Variants in SLC9C1 observed in about 807,000 individuals in gnomAD.
The protein encoded by SLC9C1 is sodium/hydrogen exchanger 10.
A neutral mutation model predicts 140.9 loss-of-function variants in SLC9C1; 97 were observed. That is an observed-to-expected ratio of 0.69 (90% CI 0.58 to 0.82). SLC9C1 has a LOEUF of 0.82. Ranked by LOEUF, SLC9C1 falls within the 40% of genes least tolerant of loss-of-function variation. SLC9C1 has a pLI of 0.00. For synonymous variants in SLC9C1, 440 were observed against 442.6 expected, an observed-to-expected ratio of 0.99 and a Z score of 0.07; for missense variants, 1,340 against 1,389.3, an observed-to-expected ratio of 0.96 and a Z score of 0.56.
At chr3:112,262,239 T>A (rs1036930633) in intron 10 of SLC9C1, among the ~76,000 whole-genome samples, 2 of 151,886 alleles carry the variant, frequency 1.3e-5, no homozygotes, top group African/African-American at 4.8e-5. Context: ...AAGGGAGAGG[T>A]CATGCAATAT....
At chr3:112,253,284 G>A (rs1465616351) in intron 10 of SLC9C1, among the ~76,000 whole-genome samples, 1 of 152,158 alleles carries the variant, frequency 6.6e-6, no homozygotes, top group African/African-American at 2.4e-5. Flanking sequence ...AGGCAACAGT[G>A]AGATCACACA....
At position 112,240,543 on chromosome 3, in the gene SLC9C1, C is replaced by T. The variant is rs2079113164; in HGVS notation, c.1280-537G>A. 1.3e-5 allele frequency among the ~76,000 whole-genome samples: 2 copies of T among 152,186 alleles called. 1 individual carries two copies. Among genetic ancestry groups the T allele is most frequent in the South Asian group, 4.1e-4 (2 of 4,832 alleles). ...CAATCTGTTGGAGGCCTCAATAAAACAAAAGTCTGAACAAGAGAGAATTTG... is the reference window on the plus strand; with the variant it reads ...CAATCTGTTGGAGGCCTCAATAAAATAAAAGTCTGAACAAGAGAGAATTTG... On this transcript the variant is annotated intron_variant, in intron 11 of 28. Coordinates refer to ENST00000305815, the MANE Select transcript of SLC9C1 (RefSeq NM_183061.3).
At chr3:112,241,388 C>T (rs547651945) in intron 11 of SLC9C1, among the ~76,000 whole-genome samples, 15 of 152,000 alleles carry the variant, frequency 9.9e-5, no homozygotes, top group Admixed American at 2.6e-4. Context: ...ATAGAGCTAA[C>T]GAAGGAGGTG....
rs775287979 is a variant in SLC9C1, at chr3:112,199,465, G to A, written c.2379C>T (p.Tyr793=). Residue 793 remains tyrosine (Y), a synonymous_variant, in exon 20 of 29, where the codon TAC becomes TAT. Coordinates refer to ENST00000305815, the MANE Select transcript of SLC9C1 (RefSeq NM_183061.3). Reference sequence around the variant, plus strand: ...CAATTTCTGGGTGATCATACTCTAAGTAGCCTAAAAAATAACAAAATATTT... The same window carrying A: ...CAATTTCTGGGTGATCATACTCTAAATAGCCTAAAAAATAACAAAATATTT... The part of the protein sequence containing the change: ...NMEHAIKELG[Y]LEYDHPEIAV... 3.8e-6 allele frequency: 6 copies of A among 1,560,184 alleles called. No homozygotes were observed. Among genetic ancestry groups the A allele is most frequent in the South Asian group, 1.3e-5 (1 of 79,278 alleles).
intron 28 of SLC9C1, among the ~76,000 whole-genome samples, chr3:112,150,783 A>T (rs976150506): frequency 8.5e-4 from 49 of 57,760 alleles, no homozygotes; most frequent in South Asian, 1.2e-3. Flanking sequence ...TATATATATA[A>T]ATACATATAC....
chr3:112,189,315 C>T (rs866462493), intron 20 of SLC9C1, among the ~76,000 whole-genome samples: 41 of 152,284 alleles, frequency 2.7e-4, no homozygotes, highest in African/African-American at 9.4e-4. Context: ...ATGCCTATGT[C>T]CTTAATGGTA....
At position 112,214,085 on chromosome 3, in the gene SLC9C1, G is replaced by A. The variant is rs146850805; in HGVS notation, c.1790+3357C>T. Among the ~76,000 whole-genome samples the A allele has an allele frequency of 5.0e-3, 762 of 152,256 alleles. 8 individuals carry two copies. The highest frequency in any genetic ancestry group is 0.017 in the African/African-American group (699 of 41,540). On this transcript the variant is annotated intron_variant, in intron 15 of 28. Transcript: ENST00000305815. ...AAAATCGCTCAACTACATGGAAACC[G>A]AACAACCAGCTGCTGAGTGACTACT...
chr3:112,284,979 A>AT (rs1486447389), intron 2 of SLC9C1, among the ~76,000 whole-genome samples: 3 of 97,600 alleles, frequency 3.1e-5, no homozygotes, highest in East Asian at 4.0e-4. Context: ...AAAAAATACA[A>AT]TTTTTCTTTT....
At chr3:112,182,500 T>C (rs1208256307) in intron 20 of SLC9C1, among the ~76,000 whole-genome samples, 2 of 152,166 alleles carry the variant, frequency 1.3e-5, no homozygotes, top group Admixed American at 6.5e-5. Flanking sequence ...GTAAGTTGCA[T>C]GTCACAGGGG....
At chr3:112,180,339 C>T (rs9825712) in intron 22 of SLC9C1, among the ~76,000 whole-genome samples, 116,383 of 152,038 alleles carry the variant, frequency 0.77, 44,904 homozygotes, top group East Asian at 0.99. Context: ...CTGGCTAACA[C>T]GGTGAAACCC....
intron 28 of SLC9C1, among the ~76,000 whole-genome samples, chr3:112,147,791 T>C (rs2074848496): frequency 6.6e-6 from 1 of 152,204 alleles, no homozygotes; most frequent in Admixed American, 6.5e-5. Flanking sequence ...CTCTAGGTTT[T>C]TGTATCTGGA....
intron 23 of SLC9C1, 142 bp from the exon 24 acceptor site, chr3:112,169,470 G>T: frequency 1.3e-6 from 1 of 788,700 alleles, no homozygotes; most frequent in Non-Finnish European, 1.8e-6. Context: ...TTAGTAAAAT[G>T]TGTCTATCAA....
At chr3:112,240,869 A>C (rs932656176) in intron 11 of SLC9C1, among the ~76,000 whole-genome samples, 1 of 152,330 alleles carries the variant, frequency 6.6e-6, no homozygotes, top group African/African-American at 2.4e-5. Flanking sequence ...AATAAGCCAC[A>C]CACAGAAAGA....
At chr3:112,189,749 A>T (rs13070751) in intron 20 of SLC9C1, among the ~76,000 whole-genome samples, 1 of 151,982 alleles carries the variant, frequency 6.6e-6, no homozygotes, top group Non-Finnish European at 1.5e-5. Flanking sequence ...CTTTAAAGTA[A>T]TTTTTTCCAA....
chr3:112,190,625 A>G (rs1239932590), intron 20 of SLC9C1, among the ~76,000 whole-genome samples: 1 of 152,056 alleles, frequency 6.6e-6, no homozygotes, highest in Non-Finnish European at 1.5e-5. Context: ...TCTAGTTTCT[A>G]TTTACTAAAG....
chr3:112,279,368 C>G (rs2080300531), intron 3 of SLC9C1, among the ~76,000 whole-genome samples: 2 of 152,212 alleles, frequency 1.3e-5, no homozygotes, highest in South Asian at 4.1e-4. Context: ...GAGCAAATGA[C>G]AGGTTTACTT....
chr3:112,208,041 A>G, intron 16 of SLC9C1, 137 bp downstream of exon 16: 1 of 605,614 alleles, frequency 1.7e-6, no homozygotes, highest in Non-Finnish European at 2.7e-6. Context: ...ACCTTCAAAA[A>G]TTAAAGTTTG....
chr3:112,211,321 T>C (rs896607947), intron 15 of SLC9C1, among the ~76,000 whole-genome samples: 1 of 152,094 alleles, frequency 6.6e-6, no homozygotes, highest in Non-Finnish European at 1.5e-5. Flanking sequence ...CCAGCTGAGG[T>C]ACCGGGTTCA....
chr3:112,248,445 A>G (rs569810958), intron 10 of SLC9C1, among the ~76,000 whole-genome samples: 12 of 152,354 alleles, frequency 7.9e-5, no homozygotes, highest in Admixed American at 3.3e-4. Flanking sequence ...ATAGATAATG[A>G]TAACTGATAC....
Sources: gnomAD v4.1 joint callset for allele counts (sites outside exome capture counted in the v4.1 genomes callset) on GRCh38, gnomAD v4.1.1 for gene constraint, MANE v1.5 for transcripts, NCBI Gene and HGNC (gene_info 2026-07-23, HGNC 2026-07-21) for gene names.